The following OPCML variants were observed in gnomAD, a reference collection of about 807,000 sequenced individuals.
OPCML encodes opioid-binding protein/cell adhesion molecule.
OPCML carries 13 observed loss-of-function variants against 37.8 expected under a neutral mutation model. The observed-to-expected ratio is 0.34, with a 90% CI of 0.22 to 0.55. The LOEUF (loss-of-function observed/expected upper bound fraction) is 0.55. Among genes scored for constraint, OPCML ranks in the 20% least tolerant of loss-of-function variants. The pLI is 0.91. For synonymous variants in OPCML, 176 were observed against 168.8 expected, an observed-to-expected ratio of 1.04 and a Z score of -0.33; for missense variants, 341 against 435.6, an observed-to-expected ratio of 0.78 and a Z score of 1.93.
chr11:133,247,582 TTCA>T (rs377545681), intron 1 of OPCML, among the ~76,000 whole-genome samples: 32 of 38,050 alleles, frequency 8.4e-4, no homozygotes, highest in South Asian at 3.7e-3. Flanking sequence ...CTTTCTTTCT[TTCA>T]TCTGTCTTTC....
intron 1 of OPCML, among the ~76,000 whole-genome samples, chr11:133,083,372 G>A (rs1192797478): frequency 6.6e-6 from 1 of 152,090 alleles, no homozygotes; most frequent in African/African-American, 2.4e-5. Context: ...CCCAGCCTGA[G>A]TCCCGGATAC....
chr11:132,539,038 C>A (rs775289627), intron 3 of OPCML, among the ~76,000 whole-genome samples: 4 of 152,172 alleles, frequency 2.6e-5, no homozygotes, highest in Admixed American at 6.5e-5. Flanking sequence ...GTAATATATT[C>A]ATTGAAAACA....
intron 1 of OPCML, among the ~76,000 whole-genome samples, chr11:133,341,098 C>T (rs1002223814): frequency 3.9e-5 from 6 of 152,142 alleles, no homozygotes; most frequent in Admixed American, 1.3e-4. Context: ...CACCCAGCTG[C>T]GAGCTTCTTG....
rs1360779321 is a variant in OPCML, at chr11:133,211,581, C to G, written c.62-268571G>C. 6.6e-6 allele frequency among the ~76,000 whole-genome samples: 1 copy of G among 152,210 alleles called. No homozygotes were observed. Among genetic ancestry groups the G allele is most frequent in the Non-Finnish European group, 1.5e-5 (1 of 68,040 alleles). ...TTCTGTAACTATGCTTTGGCATCAA[C>G]AGTGGAACATGGTTTCCTAGAAGGG... On this transcript the variant is annotated intron_variant, in intron 1 of 7. Transcript: ENST00000524381. This position sits in a 1 kb window ranked among gnomAD's most constrained non-coding sequence, Gnocchi z 4.1.
chr11:132,655,740 G>T (rs1325271554), intron 3 of OPCML, among the ~76,000 whole-genome samples: 2 of 152,142 alleles, frequency 1.3e-5, no homozygotes, highest in Non-Finnish European at 2.9e-5. Flanking sequence ...AGGCAGGCCT[G>T]GCTGCTTGCG....
intron 1 of OPCML, among the ~76,000 whole-genome samples, chr11:133,158,228 T>C (rs1233106370): frequency 2.0e-5 from 3 of 152,178 alleles, no homozygotes; most frequent in African/African-American, 7.2e-5. Context: ...CCCGTACCGA[T>C]TCCTGAAATG....
At chr11:133,188,811 T>C (rs1938191839) in intron 1 of OPCML, among the ~76,000 whole-genome samples, 1 of 151,756 alleles carries the variant, frequency 6.6e-6, no homozygotes, top group South Asian at 2.1e-4. Context: ...AGATCTCACG[T>C]AGCTAGTATA....
At position 132,424,032 on chromosome 11, in the gene OPCML, G is replaced by A. The variant is rs557162195; in HGVS notation, c.917-3739C>T. On this transcript the variant is annotated intron_variant, in intron 7 of 7. Coordinates refer to ENST00000524381, the MANE Select transcript of OPCML (RefSeq NM_001012393.5). ...ATACAATTTTGAATTTCAATATATA[G>A]GGTCAGAAACCCAGATGTTTGTATT... Among the ~76,000 whole-genome samples the A allele has an allele frequency of 1.4e-4, 21 of 152,210 alleles. No individual in the cohort carries two copies. In the East Asian group the frequency reaches 4.1e-3, roughly 29 times the overall value.
intron 1 of OPCML, among the ~76,000 whole-genome samples, chr11:133,325,753 A>C (rs1459608594): frequency 6.6e-6 from 1 of 150,746 alleles, no homozygotes; most frequent in African/African-American, 2.5e-5. Flanking sequence ...CAAAGTGCTC[A>C]TATGGGAGAA....
intron 1 of OPCML, among the ~76,000 whole-genome samples, chr11:133,119,819 G>A (rs781036263): frequency 3.3e-5 from 5 of 152,164 alleles, no homozygotes; most frequent in East Asian, 1.9e-4. Flanking sequence ...CCATGTTCAC[G>A]TCGCACAGGA....
chr11:133,129,435 G>C (rs568602732), intron 1 of OPCML, among the ~76,000 whole-genome samples: 77 of 152,282 alleles, frequency 5.1e-4, no homozygotes, highest in African/African-American at 1.9e-3. Context: ...TTAGTCCTAA[G>C]TTCTGCCTAA....
intron 1 of OPCML, among the ~76,000 whole-genome samples, chr11:133,483,945 CAGAT>C (rs200511164): frequency 0.02 from 2,971 of 147,464 alleles, 44 homozygotes; most frequent in Non-Finnish European, 0.031. Flanking sequence ...ATAGATTAGA[CAGAT>C]AGATAGACAG....
At chr11:132,491,165 T>G (rs1280661802) in intron 4 of OPCML, among the ~76,000 whole-genome samples, 1 of 152,246 alleles carries the variant, frequency 6.6e-6, no homozygotes, top group East Asian at 1.9e-4. Flanking sequence ...CCTCACTGGC[T>G]TCCTGCCCTA....
intron 1 of OPCML, among the ~76,000 whole-genome samples, chr11:133,336,469 C>A (rs187327113): frequency 6.6e-6 from 1 of 151,946 alleles, no homozygotes; most frequent in East Asian, 1.9e-4. Flanking sequence ...AAGTGTATTG[C>A]CATTGATATA....
intron 1 of OPCML, among the ~76,000 whole-genome samples, chr11:133,156,103 C>T (rs965290993): frequency 6.6e-5 from 10 of 152,180 alleles, no homozygotes; most frequent in African/African-American, 2.2e-4. Flanking sequence ...TTATCACTCC[C>T]CTCCTTACAC....
At chr11:132,891,910 C>T (rs1943664095) in intron 2 of OPCML, among the ~76,000 whole-genome samples, 1 of 152,192 alleles carries the variant, frequency 6.6e-6, no homozygotes, top group African/African-American at 2.4e-5. Flanking sequence ...CCCCTGCTGC[C>T]GTGAATTGTG....
chr11:132,798,899 T>A (rs7940728), intron 2 of OPCML, among the ~76,000 whole-genome samples: 3 of 151,984 alleles, frequency 2.0e-5, no homozygotes, highest in African/African-American at 4.8e-5. Context: ...GAAGTGAATC[T>A]TTTTTTCTGA....
intron 1 of OPCML, among the ~76,000 whole-genome samples, chr11:133,158,709 TAAAAAAATAA>T (rs1158550672): frequency 1.6e-5 from 2 of 125,806 alleles, no homozygotes; most frequent in Non-Finnish European, 3.3e-5. Context: ...AAAATAAAAT[TAAAAAAATAA>T]AATAAAATAA....
chr11:133,167,329 A>G (rs148312721), intron 1 of OPCML, among the ~76,000 whole-genome samples: 1 of 152,182 alleles, frequency 6.6e-6, no homozygotes, highest in Non-Finnish European at 1.5e-5. Flanking sequence ...ATACAAAATA[A>G]ATACCATATG....
Sources: allele counts gnomAD v4.1 joint callset (sites outside exome capture counted in the v4.1 genomes callset), GRCh38; gene constraint gnomAD v4.1.1; non-coding constraint Gnocchi (gnomAD v3.1); transcripts MANE v1.5; gene names NCBI Gene and HGNC (gene_info 2026-07-23, HGNC 2026-07-21).